Variants in PHF14 observed in about 807,000 individuals in gnomAD.
The protein encoded by PHF14 is PHD finger protein 14.
A neutral mutation model predicts 117.9 loss-of-function variants in PHF14; 55 were observed. That is an observed-to-expected ratio of 0.47 (90% CI 0.38 to 0.58). The LOEUF is 0.58. PHF14 is among the 20% of genes least tolerant of loss of function. The pLI is 0.00. For missense variants in PHF14, 978 were observed against 1,122.2 expected (o/e 0.87, Z 1.84); for synonymous variants, 409 against 368.6 (o/e 1.11, Z -1.26).
At chr7:11,160,395 T>A (rs556671577) in intron 17 of PHF14, among the ~76,000 whole-genome samples, 34 of 152,308 alleles carry the variant, frequency 2.2e-4, no homozygotes, top group African/African-American at 8.2e-4. Context: ...GGTAGAATGA[T>A]TTATTTTCTT....
intron 5 of PHF14, among the ~76,000 whole-genome samples, chr7:11,014,283 A>G (rs146051334): frequency 6.6e-6 from 1 of 152,340 alleles, no homozygotes; most frequent in East Asian, 1.9e-4. Context: ...ACTTTATATC[A>G]GGAGATAGAA....
At chr7:11,031,579 C>T (rs1379895481) in intron 7 of PHF14, among the ~76,000 whole-genome samples, 1 of 142,798 alleles carries the variant, frequency 7.0e-6, no homozygotes, top group African/African-American at 2.6e-5. Flanking sequence ...ATAGCAGGAC[C>T]CCATCTCTAC....
intron 4 of PHF14, among the ~76,000 whole-genome samples, chr7:11,012,478 T>C (rs1051717883): frequency 2.0e-5 from 3 of 152,240 alleles, no homozygotes; most frequent in Non-Finnish European, 4.4e-5. Flanking sequence ...GAAAGAAATC[T>C]GCATATAAGT....
At chr7:11,071,309 C>A (rs371793909) in intron 16 of PHF14, 3 of 518,192 alleles carry the variant, frequency 5.8e-6, no homozygotes, top group Admixed American at 1.9e-5. Context: ...TCACAAGCTC[C>A]TGTGTAACAT....
At chr7:11,055,188 C>T (rs893580162) in intron 14 of PHF14, among the ~76,000 whole-genome samples, 9 of 152,124 alleles carry the variant, frequency 5.9e-5, no homozygotes, top group Non-Finnish European at 1.2e-4. Context: ...TACTTTTAGG[C>T]AAGGAAATTA....
At chr7:11,146,945 C>G (rs1219032403) in intron 17 of PHF14, among the ~76,000 whole-genome samples, 1 of 152,150 alleles carries the variant, frequency 6.6e-6, no homozygotes, top group African/African-American at 2.4e-5. Context: ...TTCCTGGGCT[C>G]AAGCAACTCT....
chr7:11,062,241 T>C (rs574324876), intron 16 of PHF14, 156 bp downstream of exon 16: 93 of 543,418 alleles, frequency 1.7e-4, no homozygotes, highest in Middle Eastern at 1.4e-3. Context: ...ATCCACTTCT[T>C]AACCTCTCAC....
intron 16 of PHF14, among the ~76,000 whole-genome samples, chr7:11,079,258 C>G (rs140719785): frequency 6.6e-6 from 1 of 152,114 alleles, no homozygotes; most frequent in South Asian, 2.1e-4. Context: ...ATTAGGTTGT[C>G]TTTGTGAGAT....
At chr7:11,161,726 ATAT>A (rs956904498) in intron 17 of PHF14, among the ~76,000 whole-genome samples, 8 of 146,958 alleles carry the variant, frequency 5.4e-5, no homozygotes, top group Non-Finnish European at 7.5e-5. Flanking sequence ...TTAAATAAAA[ATAT>A]TATATTTTAT....
intron 7 of PHF14, 40 bp downstream of exon 7, chr7:11,028,858 A>G (rs1457841338): frequency 6.4e-7 from 1 of 1,569,360 alleles, no homozygotes; most frequent in South Asian, 1.1e-5. Context: ...ACATGTTCAC[A>G]AGATATCTTT....
intron 4 of PHF14, among the ~76,000 whole-genome samples, chr7:11,002,945 A>G (rs1268027581): frequency 6.7e-6 from 1 of 150,182 alleles, no homozygotes; most frequent in Non-Finnish European, 1.5e-5. Flanking sequence ...CTTCAGGGTG[A>G]TTTTTCTTTC....
intron 2 of PHF14, among the ~76,000 whole-genome samples, chr7:10,982,139 G>T (rs892536140): frequency 3.3e-5 from 5 of 152,100 alleles, no homozygotes; most frequent in Non-Finnish European, 7.4e-5. Context: ...TTAATTTAGG[G>T]TTATCTATAT....
chr7:11,146,094 A>G (rs1788543219), intron 17 of PHF14, among the ~76,000 whole-genome samples: 1 of 152,140 alleles, frequency 6.6e-6, no homozygotes, highest in Non-Finnish European at 1.5e-5. Context: ...GTAAACAGTG[A>G]AAATGTCAGA....
chr7:11,037,626 A>G (rs1392847334), intron 10 of PHF14, among the ~76,000 whole-genome samples: 12 of 152,162 alleles, frequency 7.9e-5, no homozygotes, highest in Non-Finnish European at 4.4e-5. Flanking sequence ...ATTTTCATGT[A>G]CCTCTTCATC....
At chr7:11,153,819 C>T (rs1788767999) in intron 17 of PHF14, among the ~76,000 whole-genome samples, 1 of 152,138 alleles carries the variant, frequency 6.6e-6, no homozygotes, top group East Asian at 1.9e-4. Context: ...CTCACATTGT[C>T]AGTGTGTTGA....
chr7:10,998,354 G>A (rs1245755386), intron 4 of PHF14, among the ~76,000 whole-genome samples: 1 of 152,040 alleles, frequency 6.6e-6, no homozygotes, highest in African/African-American at 2.4e-5. Flanking sequence ...AGAGATTTGG[G>A]GAGGCAGAGT....
chr7:11,011,737 A>T (rs552227428), intron 4 of PHF14, among the ~76,000 whole-genome samples: 1 of 152,306 alleles, frequency 6.6e-6, no homozygotes, highest in African/African-American at 2.4e-5. Context: ...GATGTTTTAC[A>T]TTAGGGCAGT....
intron 16 of PHF14, among the ~76,000 whole-genome samples, chr7:11,094,057 G>T (rs146975567): frequency 0.02 from 2,989 of 152,100 alleles, 41 homozygotes; most frequent in Middle Eastern, 0.044. Flanking sequence ...GAAGGGTCTG[G>T]GTGAGACTTT....
intron 17 of PHF14, among the ~76,000 whole-genome samples, chr7:11,136,534 CTT>C (rs1788225267): frequency 6.6e-6 from 1 of 152,008 alleles, no homozygotes; most frequent in Admixed American, 6.6e-5. Flanking sequence ...ATGTTTAAGT[CTT>C]TTGCATAGTT....
Sources: gnomAD v4.1 joint callset for allele counts (sites outside exome capture counted in the v4.1 genomes callset) on GRCh38, gnomAD v4.1.1 for gene constraint, MANE v1.5 for transcripts, NCBI Gene and HGNC (gene_info 2026-07-23, HGNC 2026-07-21) for gene names.